The following RCAN2 variants were observed in gnomAD, a reference collection of about 807,000 sequenced individuals.
RCAN2 encodes the protein calcipressin-2.
In RCAN2, 9 loss-of-function variants were observed where a neutral mutation model predicts 23.6. The ratio of observed to expected loss-of-function variants is 0.38; its 90% CI spans 0.23 to 0.67. The LOEUF (loss-of-function observed/expected upper bound fraction) is 0.67. RCAN2 is among the 30% of genes least tolerant of loss of function. The pLI, the probability that RCAN2 is intolerant of heterozygous loss-of-function variation, is 0.51. For missense variants in RCAN2, 273 were observed against 302.3 expected, an observed-to-expected ratio of 0.90 and a Z score of 0.72; for synonymous variants, 109 against 115.7, an observed-to-expected ratio of 0.94 and a Z score of 0.37.
At chr6:46,311,759 G>A (rs1456417765) in intron 2 of RCAN2, among the ~76,000 whole-genome samples, 2 of 152,138 alleles carry the variant, frequency 1.3e-5, no homozygotes, top group African/African-American at 4.8e-5. Flanking sequence ...CTGGATTGCT[G>A]TTTAGCATAT....
intron 2 of RCAN2, among the ~76,000 whole-genome samples, chr6:46,270,055 C>T (rs927843174): frequency 2.0e-5 from 3 of 152,086 alleles, no homozygotes; most frequent in Admixed American, 6.5e-5. Flanking sequence ...ATGATTGCTG[C>T]GGGCCTGCTT....
At chr6:46,232,070 T>C (rs762506115) in intron 4 of RCAN2, among the ~76,000 whole-genome samples, 7 of 151,914 alleles carry the variant, frequency 4.6e-5, no homozygotes, top group Non-Finnish European at 7.4e-5. Flanking sequence ...TGTGGCCCAG[T>C]CTGATACAGA....
At chr6:46,453,911 C>G (rs992009673) in intron 2 of RCAN2, among the ~76,000 whole-genome samples, 1 of 152,156 alleles carries the variant, frequency 6.6e-6, no homozygotes, top group Non-Finnish European at 1.5e-5. Flanking sequence ...CATATGAAAC[C>G]ACCGACCCTC....
At chr6:46,472,873 A>T (rs1488940335) in intron 1 of RCAN2, among the ~76,000 whole-genome samples, 2 of 152,330 alleles carry the variant, frequency 1.3e-5, no homozygotes, top group East Asian at 1.9e-4. Flanking sequence ...GGAACACTGG[A>T]ACTTTTTCTG....
chr6:46,283,490 A>G (rs1346084239), intron 2 of RCAN2, among the ~76,000 whole-genome samples: 2 of 152,178 alleles, frequency 1.3e-5, no homozygotes, highest in South Asian at 2.1e-4. Context: ...TGGTACACAC[A>G]TACCAATGTA....
chr6:46,428,159 A>G (rs1278829403), intron 2 of RCAN2, among the ~76,000 whole-genome samples: 3 of 152,226 alleles, frequency 2.0e-5, no homozygotes, highest in Non-Finnish European at 4.4e-5. Flanking sequence ...TGGTTGTCCT[A>G]TTCCTCTCAG....
chr6:46,240,644 C>T (rs976640539), intron 4 of RCAN2, among the ~76,000 whole-genome samples: 8 of 152,074 alleles, frequency 5.3e-5, no homozygotes, highest in African/African-American at 1.7e-4. Flanking sequence ...GAATGAGAAT[C>T]GAGGCCTTAT....
At position 46,221,807 on chromosome 6, in the gene RCAN2, A is replaced by T. The variant is rs1765484478; in HGVS notation, c.*1334T>A. The stretch of plus-strand genomic sequence containing the variant: ...CTAAAGTAATTCATTAATGTACAGG[A>T]GTAGATGAGGCCTGGCACACATAGC... On this transcript the variant is annotated 3_prime_UTR_variant, in exon 5 of 5. Transcript: ENST00000371374. The T allele has an allele frequency of 2.5e-6, 1 of 397,198 alleles. No individual in the cohort carries two copies. Among genetic ancestry groups the T allele is most frequent in the Admixed American group, 4.4e-5 (1 of 22,714 alleles). 24.6% of individuals were successfully genotyped at this position (397,198 alleles called of 1,614,324 possible). A position where few individuals can be genotyped will look rare whatever the true frequency, so the allele number is the denominator to read the frequency against.
chr6:46,471,454 G>A (rs1030735843), intron 1 of RCAN2, among the ~76,000 whole-genome samples: 2 of 152,094 alleles, frequency 1.3e-5, no homozygotes, highest in Admixed American at 6.6e-5. Flanking sequence ...CTGATGGATC[G>A]GATATGAGGT....
intron 2 of RCAN2, among the ~76,000 whole-genome samples, chr6:46,452,144 G>A (rs1296690572): frequency 6.6e-6 from 1 of 152,096 alleles, no homozygotes; most frequent in Non-Finnish European, 1.5e-5. Context: ...ATAAATATCT[G>A]TATATCAGGA....
chr6:46,409,644 A>C (rs1766495258), intron 2 of RCAN2, among the ~76,000 whole-genome samples: 1 of 152,228 alleles, frequency 6.6e-6, no homozygotes, highest in South Asian at 2.1e-4. Context: ...GTACATTATG[A>C]GCAGAGAGCC....
At chr6:46,298,526 A>T (rs75177224) in intron 2 of RCAN2, among the ~76,000 whole-genome samples, 3,040 of 152,212 alleles carry the variant, frequency 0.02, 91 homozygotes, top group African/African-American at 0.066. Flanking sequence ...ATAATTTTTC[A>T]GATTTTGGTA....
intron 2 of RCAN2, among the ~76,000 whole-genome samples, chr6:46,275,298 G>C (rs1205594265): frequency 1.3e-5 from 2 of 152,088 alleles, no homozygotes; most frequent in Non-Finnish European, 2.9e-5. Context: ...CAGCAGACTA[G>C]GGTTTTACAG....
intron 2 of RCAN2, among the ~76,000 whole-genome samples, chr6:46,435,003 CA>C (rs1767327689): frequency 6.6e-6 from 1 of 152,140 alleles, no homozygotes; most frequent in Non-Finnish European, 1.5e-5. Context: ...ATATTTCTGG[CA>C]ACAAAGTCTC....
intron 2 of RCAN2, among the ~76,000 whole-genome samples, chr6:46,344,558 A>C (rs759188866): frequency 5.9e-5 from 9 of 152,108 alleles, no homozygotes; most frequent in Non-Finnish European, 1.0e-4. Flanking sequence ...CAAAACACAA[A>C]TATTGAGGGG....
intron 1 of RCAN2, among the ~76,000 whole-genome samples, chr6:46,463,178 TC>T (rs1768274638): frequency 1.3e-5 from 2 of 152,104 alleles, no homozygotes; most frequent in Admixed American, 1.3e-4. Flanking sequence ...AAACACTGAG[TC>T]TTTCAAAGGA....
intron 2 of RCAN2, among the ~76,000 whole-genome samples, chr6:46,393,688 G>A (rs1283855702): frequency 2.0e-5 from 3 of 152,010 alleles, no homozygotes; most frequent in African/African-American, 7.2e-5. Context: ...TGTTTTCCTA[G>A]GCTCCTACTT....
At chr6:46,375,651 C>CT (rs1765437471) in intron 2 of RCAN2, among the ~76,000 whole-genome samples, 1 of 152,184 alleles carries the variant, frequency 6.6e-6, no homozygotes, top group African/African-American at 2.4e-5. Flanking sequence ...GATCAGCAAA[C>CT]TTTTGCCATA....
intron 4 of RCAN2, among the ~76,000 whole-genome samples, chr6:46,230,285 C>G (rs544477238): frequency 7.9e-5 from 12 of 152,160 alleles, no homozygotes; most frequent in Non-Finnish European, 1.8e-4. Flanking sequence ...CTTGGAGAAC[C>G]ACTACTGTCT....
Sources: gnomAD v4.1 joint callset for allele counts (sites outside exome capture counted in the v4.1 genomes callset) on GRCh38, gnomAD v4.1.1 for gene constraint, MANE v1.5 for transcripts, NCBI Gene and HGNC (gene_info 2026-07-23, HGNC 2026-07-21) for gene names.